The following PIEZO2 variants were observed in gnomAD, a reference collection of about 807,000 sequenced individuals.
PIEZO2 encodes piezo-type mechanosensitive ion channel component 2.
Under a neutral mutation model 337.3 loss-of-function variants are expected in PIEZO2, and 172 were observed. That is an observed-to-expected ratio of 0.51 (90% CI 0.45 to 0.58). The LOEUF (loss-of-function observed/expected upper bound fraction) is 0.58. Ranked by LOEUF, PIEZO2 falls within the 20% of genes least tolerant of loss-of-function variation. PIEZO2 has a pLI of 0.00. For missense variants in PIEZO2, 3,028 were observed against 3,391.3 expected (o/e 0.89, Z 2.66); for synonymous variants, 1,251 against 1,228.5 (o/e 1.02, Z -0.38).
rs541910356 is a variant in PIEZO2, at chr18:10,895,339, G to A, written c.329+15847C>T. Among the ~76,000 whole-genome samples, 33 of 152,174 alleles carry A rather than the reference G, an allele frequency of 2.2e-4. No homozygotes were observed. The highest frequency in any genetic ancestry group is 7.2e-4 in the African/African-American group (30 of 41,526). ...TGCGCACCTGTAATAACAGCTACTCGGGAGGCTGAGGCAGGAGAATCGCTT... is the reference window on the plus strand; with the variant it reads ...TGCGCACCTGTAATAACAGCTACTCAGGAGGCTGAGGCAGGAGAATCGCTT... On this transcript the variant is annotated intron_variant, in intron 4 of 55. Transcript: ENST00000674853. The surrounding 1 kb of genome is among the most constrained non-coding windows in gnomAD (Gnocchi z 4.8).
chr18:11,124,176 A>G (rs573333597), intron 1 of PIEZO2, among the ~76,000 whole-genome samples: 11 of 152,238 alleles, frequency 7.2e-5, no homozygotes, highest in Non-Finnish European at 1.5e-4. Flanking sequence ...ATGAGCAAAA[A>G]TCCAGTAAGA....
intron 7 of PIEZO2, among the ~76,000 whole-genome samples, chr18:10,831,329 G>C (rs934357421): frequency 1.3e-5 from 2 of 152,162 alleles, no homozygotes; most frequent in East Asian, 3.8e-4. Flanking sequence ...ACACACAATG[G>C]TACTATTCAA....
intron 27 of PIEZO2, among the ~76,000 whole-genome samples, chr18:10,755,758 C>T (rs1323173420): frequency 1.3e-5 from 2 of 152,096 alleles, no homozygotes; most frequent in East Asian, 1.9e-4. Context: ...AGCACAGGCA[C>T]AGGGTGGAAT....
intron 2 of PIEZO2, among the ~76,000 whole-genome samples, chr18:11,026,714 G>A (rs1184662886): frequency 6.6e-6 from 1 of 152,072 alleles, no homozygotes; most frequent in African/African-American, 2.4e-5. Flanking sequence ...AATTCCCAAG[G>A]GACCAAATGC....
rs11661003 is a variant in PIEZO2 at position 11,028,052 on chromosome 18, G to A, written c.160+38075C>T. On this transcript the variant is annotated intron_variant, in intron 2 of 55. Transcript: ENST00000674853. The surrounding 1 kb of genome is among the most constrained non-coding windows in gnomAD (Gnocchi z 4.8). ...TGTCCCTGTGGCTAGTCCAAGCACCGTCACAGAGGGACAAGCAGTAGCTGC... is the reference window on the plus strand; with the variant it reads ...TGTCCCTGTGGCTAGTCCAAGCACCATCACAGAGGGACAAGCAGTAGCTGC... Among the ~76,000 whole-genome samples the A allele has an allele frequency of 0.044, 6,738 of 152,220 alleles. 311 individuals are homozygous for A. Among genetic ancestry groups the A allele is most frequent in the African/African-American group, 0.12 (4,938 of 41,502 alleles).
At position 10,750,164 on chromosome 18, in the gene PIEZO2, T is replaced by G. The variant is rs1196044619; in HGVS notation, c.4191A>C (p.Gly1397=). 2.0e-6 allele frequency: 3 copies of G among 1,536,876 alleles called. No homozygotes were observed. Among genetic ancestry groups the G allele is most frequent in the East Asian group, 2.4e-5 (1 of 40,922 alleles). The change falls in exon 29 of 56, where the codon GGA becomes GGC. Residue 1397 remains glycine (G), a synonymous_variant. Coordinates refer to ENST00000674853, the MANE Select transcript of PIEZO2 (RefSeq NM_001378183.1). The surrounding 1 kb of genome is among the most constrained non-coding windows in gnomAD (Gnocchi z 4.1). ...ACCAACAACTATTGTGCACCAATGTTCCAATGTATCCACATGCTCCTATCT... is the reference window on the plus strand; with the variant it reads ...ACCAACAACTATTGTGCACCAATGTGCCAATGTATCCACATGCTCCTATCT... ...ILSIGACGYI[G]TLVHNSCWLI... is the part of the protein sequence containing the mutation.
At position 10,982,091 on chromosome 18, in the gene PIEZO2, A is replaced by C. The variant is rs2034688695; in HGVS notation, c.161-2431T>G. On this transcript the variant is annotated intron_variant, in intron 2 of 55. Transcript: ENST00000674853. The surrounding 1 kb of genome is among the most constrained non-coding windows in gnomAD (Gnocchi z 4.1). ...AGACCTGTTGAGATGTCAAACATCC[A>C]AACTGCATCAGTAGGCATATTTGTC... is the stretch of plus-strand genomic sequence containing the variant. 6.6e-6 allele frequency among the ~76,000 whole-genome samples: 1 copy of C among 152,202 alleles called. No individual in the cohort carries two copies. Among genetic ancestry groups the C allele is most frequent in the Admixed American group, 6.5e-5 (1 of 15,286 alleles).
chr18:10,726,899 G>C lies in PIEZO2; in HGVS notation c.5029+4508C>G, dbSNP rs1225670907. 6.3e-7 allele frequency: 1 copy of C among 1,587,746 alleles called. No homozygotes were observed. Among genetic ancestry groups the C allele is most frequent in the South Asian group, 1.1e-5 (1 of 87,482 alleles). On this transcript the variant is annotated intron_variant, in intron 36 of 55. Transcript: ENST00000674853. This position sits in a 1 kb window ranked among gnomAD's most constrained non-coding sequence, Gnocchi z 5.9. ...CTGAAGCACATCATGGCCACCAACC[G>C]GCTGGATGTGGCGGAGCTGGGTCGC...
intron 3 of PIEZO2, among the ~76,000 whole-genome samples, chr18:10,951,315 C>T (rs953692939): frequency 3.3e-5 from 5 of 152,176 alleles, no homozygotes; most frequent in African/African-American, 1.2e-4. Flanking sequence ...TGGTCTGTGA[C>T]TCTTCCCCGA....
chr18:10,692,383 C>A (rs1481902186), intron 47 of PIEZO2, among the ~76,000 whole-genome samples: 1 of 152,114 alleles, frequency 6.6e-6, no homozygotes, highest in Admixed American at 6.6e-5. Context: ...AAGATCCATA[C>A]TTGAATGTTT....
intron 1 of PIEZO2, among the ~76,000 whole-genome samples, chr18:11,141,068 C>T (rs2040630516): frequency 6.6e-6 from 1 of 152,176 alleles, no homozygotes; most frequent in Non-Finnish European, 1.5e-5. Context: ...ATACCCGCTC[C>T]AATCACCTAC....
intron 1 of PIEZO2, among the ~76,000 whole-genome samples, chr18:11,095,229 T>C (rs1180549778): frequency 6.6e-6 from 1 of 152,236 alleles, no homozygotes; most frequent in Non-Finnish European, 1.5e-5. Flanking sequence ...AAAAACCTTA[T>C]CAGCACTTGG....
chr18:10,747,752 C>T (rs547656896), intron 30 of PIEZO2, among the ~76,000 whole-genome samples: 5 of 152,248 alleles, frequency 3.3e-5, no homozygotes, highest in East Asian at 3.9e-4. Context: ...CAGACTCTAG[C>T]GAAACTGTAG....
At chr18:10,933,181 CTT>C (rs1312729745) in intron 3 of PIEZO2, among the ~76,000 whole-genome samples, 3 of 151,996 alleles carry the variant, frequency 2.0e-5, no homozygotes, top group Non-Finnish European at 4.4e-5. Context: ...GGGCAATTAA[CTT>C]TTCACATATT....
rs1016262501 is a variant in PIEZO2, at chr18:11,111,555, C to A, written c.64+36970G>T. 2.6e-5 allele frequency among the ~76,000 whole-genome samples: 4 copies of A among 152,172 alleles called. No homozygotes were observed. The East Asian group carries it at 7.7e-4, about 29-fold the overall frequency. On this transcript the variant is annotated intron_variant, in intron 1 of 55. Transcript: ENST00000674853. The surrounding 1 kb of genome is among the most constrained non-coding windows in gnomAD (Gnocchi z 6.2). Reference sequence around the variant, plus strand: ...TGTGATGCCGTGGCCATTCTCTATACCACCTTCAGGGCCCGCCCTGCCTGG... The same window carrying A: ...TGTGATGCCGTGGCCATTCTCTATAACACCTTCAGGGCCCGCCCTGCCTGG...
At chr18:11,011,079 T>G (rs1392223097) in intron 2 of PIEZO2, among the ~76,000 whole-genome samples, 1 of 152,242 alleles carries the variant, frequency 6.6e-6, no homozygotes, top group Admixed American at 6.5e-5. Flanking sequence ...CTCTATAATT[T>G]GTTACAATCC....
In PIEZO2 at chr18:10,752,827, C is replaced by T; in HGVS notation, c.3976G>A (p.Val1326Met). Residue 1326 changes from valine to methionine, a missense_variant, in exon 28 of 56, where the codon GTG becomes ATG. By Grantham distance (21) the Val-to-Met change is conservative. This residue lies in a region of PIEZO2 where 1,925 missense variants were observed against 2,051.9 expected (regional missense o/e 0.94). Coordinates refer to ENST00000674853, the MANE Select transcript of PIEZO2 (RefSeq NM_001378183.1). ...VIIFSYLFWF[V>M]LTIIFITGTT... ...CCAGTGATGAAGATGATGGTGAGCA[C>T]AAACCAGAAGAGGTAGCTGAAGATG... 6.5e-7 allele frequency: 1 copy of T among 1,537,054 alleles called. No individual in the cohort carries two copies. The highest frequency in any genetic ancestry group is 8.7e-7 in the Non-Finnish European group (1 of 1,146,892).
chr18:11,074,422 A>G (rs1387436450), intron 1 of PIEZO2, among the ~76,000 whole-genome samples: 2 of 152,210 alleles, frequency 1.3e-5, no homozygotes, highest in African/African-American at 2.4e-5. Flanking sequence ...AGTTTCCACT[A>G]TTTGTACCTG....
chr18:10,986,584 C>T lies in PIEZO2; in HGVS notation c.161-6924G>A, dbSNP rs375972036. On this transcript the variant is annotated intron_variant, in intron 2 of 55. Transcript: ENST00000674853. Reference sequence around the variant, plus strand: ...ATAGAAGGAATGTACCTTAACACAACGAAAACCATATATTATAATACCACA... The same window carrying T: ...ATAGAAGGAATGTACCTTAACACAATGAAAACCATATATTATAATACCACA... Among the ~76,000 whole-genome samples the T allele has an allele frequency of 5.3e-5, 8 of 151,810 alleles. No homozygotes were observed. The East Asian group carries it at 5.8e-4, about 11-fold the overall frequency.
Sources: gnomAD v4.1 joint callset for allele counts (sites outside exome capture counted in the v4.1 genomes callset) on GRCh38, gnomAD v4.1.1 for gene constraint, gnomAD v4.1.1 regional missense constraint, Gnocchi (gnomAD v3.1) non-coding constraint, MANE v1.5 for transcripts, NCBI Gene and HGNC (gene_info 2026-07-23, HGNC 2026-07-21) for gene names.